SLX4: variants seen among roughly 807,000 people sequenced by gnomAD.
SLX4 encodes the protein SLX4 structure-specific endonuclease subunit, also known as structure-specific endonuclease subunit SLX4.
Under a neutral mutation model 146.2 loss-of-function variants are expected in SLX4, and 112 were observed. That is an observed-to-expected ratio of 0.77 (90% CI 0.66 to 0.90). The LOEUF is 0.90. SLX4 is among the 40% of genes least tolerant of loss of function. SLX4 has a pLI of 0.00. For missense variants in SLX4, 2,563 were observed against 2,392.7 expected (o/e 1.07, Z -1.49); for synonymous variants, 1,061 against 997.7 (o/e 1.06, Z -1.20).
chr16:3,583,330 C>G lies in SLX4; in HGVS notation c.4920G>C (p.Gly1640=). 1.2e-6 allele frequency: 2 copies of G among 1,613,954 alleles called. No individual in the cohort carries two copies. The highest frequency in any genetic ancestry group is 1.7e-6 in the Non-Finnish European group (2 of 1,179,936). Residue 1640 remains glycine, a synonymous_variant, in exon 14 of 15, where the codon GGG becomes GGC. Coordinates refer to ENST00000294008, the MANE Select transcript of SLX4 (RefSeq NM_032444.4). ...TGGTGGCCTCCTGCTGGGCATGGAC[C>G]CCTGCCCTTGAAGGCTTGTAGGTCT... ...ASQTYKPSRA[G]VHAQQEATTG...
At chr16:3,604,119 C>T (rs1312171527) in intron 3 of SLX4, among the ~76,000 whole-genome samples, 1 of 151,344 alleles carries the variant, frequency 6.6e-6, no homozygotes, top group Admixed American at 6.6e-5. Context: ...GTAATCCCAG[C>T]TACTCAGGAG....
rs1417169392 is a variant in SLX4 at position 3,608,768 on chromosome 16, C to A, written c.197G>T (p.Gly66Val). The change falls in exon 2 of 15, where the codon GGA becomes GTA. Residue 66 changes from glycine (G) to valine (V), a missense_variant. Coordinates refer to ENST00000294008, the MANE Select transcript of SLX4 (RefSeq NM_032444.4). ...ASFFQRVKKH[G>V]IKEVSGERKT... ...CCTTTCTCCTGACACTTCCTTGATT[C>A]CATGTTTTTTCACCCTTTGGAAAAA... 2 of 1,614,146 alleles carry A rather than the reference C, an allele frequency of 1.2e-6. No individual in the cohort carries two copies. The highest frequency in any genetic ancestry group is 2.2e-5 in the South Asian group (2 of 91,074).
At chr16:3,601,970 A>G (rs1348641519) in intron 4 of SLX4, 148 bp downstream of exon 4, 7 of 857,116 alleles carry the variant, frequency 8.2e-6, no homozygotes, top group African/African-American at 1.7e-5. Flanking sequence ...TTGTATCTCA[A>G]CGAAGTTATT....
chr16:3,609,048 T>C lies in SLX4; in HGVS notation c.-84A>G, dbSNP rs1000999401. The C allele has an allele frequency of 7.5e-6, 11 of 1,474,822 alleles. No homozygotes were observed. Among genetic ancestry groups the C allele is most frequent in the Admixed American group, 1.9e-5 (1 of 52,392 alleles). The allele number at this position is 1,474,822 out of a possible 1,614,324, so 91.4% of individuals were successfully genotyped here. A position where few individuals can be genotyped will look rare whatever the true frequency, so the allele number is the denominator to read the frequency against. On this transcript the variant is annotated 5_prime_UTR_variant, in exon 2 of 15. Coordinates refer to ENST00000294008, the MANE Select transcript of SLX4 (RefSeq NM_032444.4). ...AGTACTGTTTTCCTCTCTATAATGA[T>C]TGAAGTATCTTTGTTCAAATTGGGC...
chr16:3,611,024 C>T (rs577820120), intron 1 of SLX4, among the ~76,000 whole-genome samples: 1 of 152,318 alleles, frequency 6.6e-6, no homozygotes, highest in East Asian at 1.9e-4. Context: ...AGTCTATCTC[C>T]TCCTATAGGT....
intron 1 of SLX4, among the ~76,000 whole-genome samples, chr16:3,611,223 G>A (rs1003843172): frequency 6.6e-6 from 1 of 152,218 alleles, no homozygotes; most frequent in Non-Finnish European, 1.5e-5. Flanking sequence ...CTACGGAAAG[G>A]GGCTGAGGGG....
At position 3,609,259 on chromosome 16, in the gene SLX4, T is replaced by C. The variant is rs59311338; in HGVS notation, c.-295A>G. On this transcript the variant is annotated 5_prime_UTR_variant, in exon 2 of 15. Transcript: ENST00000294008. ...TCGTTTCAACTGAAAATACAAAAAA[T>C]TGGCCAGGCGTGGTAGCAGATGCCT... 0.069 allele frequency: 24,111 copies of C among 350,854 alleles called. 933 individuals are homozygous for C. The highest frequency in any genetic ancestry group is 0.11 in the African/African-American group (5,110 of 47,874). The allele number at this position is 350,854 out of a possible 1,614,324, so 21.7% of individuals were successfully genotyped here.
chr16:3,584,883 A>G lies in SLX4; in HGVS notation c.4637-12T>C. ...CCGATTAGCACCTTCTGGGTAAAACAAAAGAAGCACACGTTTTAGCATGAG... is the reference window on the plus strand; with the variant it reads ...CCGATTAGCACCTTCTGGGTAAAACGAAAGAAGCACACGTTTTAGCATGAG... On this transcript the variant is annotated splice_polypyrimidine_tract_variant and intron_variant, in intron 12 of 14. Coordinates refer to ENST00000294008, the MANE Select transcript of SLX4 (RefSeq NM_032444.4). The G allele has an allele frequency of 1.3e-6, 2 of 1,587,838 alleles. No individual in the cohort carries two copies. The highest frequency in any genetic ancestry group is 1.7e-6 in the Non-Finnish European group (2 of 1,156,008).
At chr16:3,608,377 C>T in intron 2 of SLX4, 53 bp downstream of exon 2, 1 of 1,599,902 alleles carries the variant, frequency 6.3e-7, no homozygotes, top group African/African-American at 1.3e-5. Context: ...TATTTACGAT[C>T]TGGCCCTTTC....
At position 3,597,016 on chromosome 16, in the gene SLX4, T is replaced by A. The variant is rs527308181; in HGVS notation, c.1683+363A>T. On this transcript the variant is annotated intron_variant, in intron 7 of 14. Transcript: ENST00000294008. The surrounding 1 kb of genome is among the most constrained non-coding windows in gnomAD (Gnocchi z 4.4). ...TTTTGTATTCTTAGTAGAGATGGGG[T>A]TTCACCATATTAGCCAGGCTGGTCT... Among the ~76,000 whole-genome samples the A allele has an allele frequency of 1.8e-3, 279 of 151,946 alleles. No individual in the cohort carries two copies. The highest frequency in any genetic ancestry group is 3.4e-3 in the Non-Finnish European group (234 of 67,970).
rs1225556449 is a variant in SLX4, at chr16:3,608,986, C to T, written c.-22G>A. ...TCATTAGGGTTCTTCTCTACTTCTC[C>T]ATTAGATACTTGGAGAGTTTGCACA... On this transcript the variant is annotated 5_prime_UTR_variant, in exon 2 of 15. An upstream start codon of the reference 5' UTR is lost. Coordinates refer to ENST00000294008, the MANE Select transcript of SLX4 (RefSeq NM_032444.4). 3.7e-6 allele frequency: 6 copies of T among 1,608,962 alleles called. No individual in the cohort carries two copies. Among genetic ancestry groups the T allele is most frequent in the African/African-American group, 1.3e-5 (1 of 74,878 alleles).
At chr16:3,591,346 G>T in intron 11 of SLX4, 36 bp from the exon 12 acceptor site, 1 of 1,604,842 alleles carries the variant, frequency 6.2e-7, no homozygotes, top group African/African-American at 1.3e-5. Context: ...TCGCCCCTCT[G>T]CGTGGAGATG....
intron 13 of SLX4, among the ~76,000 whole-genome samples, 170 bp downstream of exon 13, chr16:3,584,599 C>G (rs2040486605): frequency 6.6e-6 from 1 of 152,200 alleles, no homozygotes; most frequent in Non-Finnish European, 1.5e-5. Context: ...AGCAGTCACA[C>G]ATGCTCCCTA....
Position 3,597,929 on chromosome 16 carries a change from T to C in SLX4, c.1234A>G (p.Lys412Glu), listed in dbSNP as rs774436086. The C allele has an allele frequency of 1.1e-5, 18 of 1,614,022 alleles. No individual in the cohort carries two copies. Among genetic ancestry groups the C allele is most frequent in the Middle Eastern group, 3.3e-4 (2 of 6,084 alleles). The part of the protein sequence containing the change: ...TSKKEPRKRR[K>E]VDEAPSEDLL... ...TCCTCGGACGGTGCCTCGTCCACCT[T>C]CCGCCTCTTCCGTGGCTCCTTCTTG... is the stretch of plus-strand genomic sequence containing the variant. Residue 412 changes from lysine (K) to glutamate (E), a missense_variant, in exon 6 of 15, where the codon AAG becomes GAG. Lys to Glu is a moderately conservative substitution (Grantham distance 56, BLOSUM62 1). Coordinates refer to ENST00000294008, the MANE Select transcript of SLX4 (RefSeq NM_032444.4). This position sits in a 1 kb window ranked among gnomAD's most constrained non-coding sequence, Gnocchi z 4.4.
intron 2 of SLX4, among the ~76,000 whole-genome samples, chr16:3,608,015 G>C (rs554149819): frequency 2.6e-5 from 4 of 152,280 alleles, no homozygotes; most frequent in Admixed American, 2.6e-4. Context: ...TGTTTTTCTT[G>C]ACTGTTGTTT....
Position 3,608,413 on chromosome 16 carries a change from A to G in SLX4, c.535+17T>C. 2 of 1,614,130 alleles carry G rather than the reference A, an allele frequency of 1.2e-6. No homozygotes were observed. The highest frequency in any genetic ancestry group is 1.7e-6 in the Non-Finnish European group (2 of 1,179,978). On this transcript the variant is annotated intron_variant, in intron 2 of 14. Coordinates refer to ENST00000294008, the MANE Select transcript of SLX4 (RefSeq NM_032444.4). ...CAGGAAGTTTTCCAGCCCCTGGTTT[A>G]AAAGAGTACAAATTACCTCTGGTTT... is the stretch of plus-strand genomic sequence containing the variant.
chr16:3,591,074 T>G lies in SLX4; in HGVS notation c.2564A>C (p.Tyr855Ser). 1 of 1,614,176 alleles carries G rather than the reference T, an allele frequency of 6.2e-7. No homozygotes were observed. Reference protein sequence around the residue: ...NVNEAEMEEIYEFAATQRKLL... With the variant: ...NVNEAEMEEISEFAATQRKLL... ...CTTTCGCTGAGTAGCTGCAAATTCA[T>G]AAATTTCTTCCATTTCTGCTTCATT... The change falls in exon 12 of 15, where the codon TAT becomes TCT. Residue 855 changes from tyrosine to serine, a missense_variant. Physicochemically the swap from Tyr to Ser is moderately radical, Grantham distance 144. Coordinates refer to ENST00000294008, the MANE Select transcript of SLX4 (RefSeq NM_032444.4).
At position 3,582,631 on chromosome 16, in the gene SLX4, T is replaced by TC; in HGVS notation, c.5215dup (p.Glu1739GlyfsTer39). ...CACGGCTGCCTGCGAGGCACTGACC[T>TC]CCCCCTCGCCCTCCTCTTCACCTGC... On this transcript the variant is annotated frameshift_variant, in exon 15 of 15. Transcript: ENST00000294008. LOFTEE classifies it low-confidence loss of function (END_TRUNC). 6.2e-7 allele frequency: 1 copy of TC among 1,613,260 alleles called. No individual in the cohort carries two copies. Among genetic ancestry groups the TC allele is most frequent in the African/African-American group, 1.3e-5 (1 of 74,996 alleles).
At chr16:3,598,742 G>A (rs1258558200) in intron 5 of SLX4, among the ~76,000 whole-genome samples, 2 of 152,204 alleles carry the variant, frequency 1.3e-5, no homozygotes, top group Non-Finnish European at 2.9e-5. Flanking sequence ...AGGGTGCCAG[G>A]GATGGCTCAA....
Sources: allele counts gnomAD v4.1 joint callset (sites outside exome capture counted in the v4.1 genomes callset), GRCh38; gene constraint gnomAD v4.1.1; non-coding constraint Gnocchi (gnomAD v3.1); transcripts MANE v1.5; gene names NCBI Gene and HGNC (gene_info 2026-07-23, HGNC 2026-07-21).